The following PCDHGB6 variants were observed in gnomAD, a reference collection of about 807,000 sequenced individuals.
PCDHGB6 encodes protocadherin gamma-B6.
A neutral mutation model predicts 59.1 loss-of-function variants in PCDHGB6; 51 were observed. The ratio of observed to expected loss-of-function variants is 0.86; its 90% CI spans 0.69 to 1.09. The LOEUF (loss-of-function observed/expected upper bound fraction) is 1.09, where lower values mean the gene tolerates loss of function less well. PCDHGB6 is among the 50% of genes least tolerant of loss of function. The pLI is 0.00. For missense variants in PCDHGB6, 1,148 were observed against 1,205.1 expected, an observed-to-expected ratio of 0.95 and a Z score of 0.70; for synonymous variants, 466 against 495.1, an observed-to-expected ratio of 0.94 and a Z score of 0.78.
At chr5:141,498,919 C>T (rs897611505) in intron 2 of PCDHGB6, among the ~76,000 whole-genome samples, 34 of 122,310 alleles carry the variant, frequency 2.8e-4, no homozygotes, top group African/African-American at 3.4e-4. Flanking sequence ...GGTGACAGAG[C>T]GAGACTCCAT....
intron 3 of PCDHGB6, among the ~76,000 whole-genome samples, chr5:141,507,571 G>A (rs2099861692): frequency 6.6e-6 from 1 of 152,254 alleles, no homozygotes; most frequent in Non-Finnish European, 1.5e-5. Flanking sequence ...TGGGTCTGAG[G>A]AGATGCCAAG....
rs377705841 is a variant in PCDHGB6 at position 141,409,462 on chromosome 5, C to T, written c.1260C>T (p.Val420=). The part of the protein sequence containing the change: ...LDREQTPEYN[V]TIVATDRGKP... ...GAGAGCAGACACCAGAATACAATGT[C>T]ACCATCGTAGCCACTGACAGGGGCA... Residue 420 remains valine (V), a synonymous_variant, in exon 1 of 4, where the codon GTC becomes GTT. Coordinates refer to ENST00000520790, the MANE Select transcript of PCDHGB6 (RefSeq NM_018926.3). The T allele has an allele frequency of 1.9e-6, 3 of 1,613,988 alleles. No homozygotes were observed. Among genetic ancestry groups the T allele is most frequent in the Non-Finnish European group, 2.5e-6 (3 of 1,179,886 alleles).
intron 1 of PCDHGB6, chr5:141,412,932 T>A: frequency 2.2e-6 from 1 of 453,328 alleles, no homozygotes; most frequent in Non-Finnish European, 3.9e-6. Flanking sequence ...AGTAACTTCT[T>A]AGGACTCTGA....
At chr5:141,414,844 C>T (rs769714220) in intron 1 of PCDHGB6, 3 of 1,614,216 alleles carry the variant, frequency 1.9e-6, no homozygotes, top group South Asian at 2.2e-5. Flanking sequence ...CCTGTTTGTG[C>T]TGGACCAGAA....
chr5:141,505,255 C>T (rs2099844853), intron 2 of PCDHGB6, 138 bp from the exon 3 acceptor site: 1 of 1,481,112 alleles, frequency 6.8e-7, no homozygotes, highest in Admixed American at 2.1e-5. Context: ...AGAAGTGCCT[C>T]CTACCTTGCT....
chr5:141,426,488 T>G, intron 1 of PCDHGB6: 1 of 328,024 alleles, frequency 3.0e-6, no homozygotes, highest in Non-Finnish European at 6.1e-6. Context: ...AACCTTAGAG[T>G]TAGTGCAGAG....
chr5:141,414,556 T>G, intron 1 of PCDHGB6: 2 of 1,613,990 alleles, frequency 1.2e-6, no homozygotes, highest in Non-Finnish European at 1.7e-6. Flanking sequence ...TCAAGTCTCC[T>G]ACTTTACCTA....
intron 1 of PCDHGB6, among the ~76,000 whole-genome samples, chr5:141,466,776 C>T (rs2099129231): frequency 6.6e-6 from 1 of 152,104 alleles, no homozygotes; most frequent in African/African-American, 2.4e-5. Flanking sequence ...TTATCTTATT[C>T]TTCTTAGTGC....
intron 1 of PCDHGB6, chr5:141,417,692 C>A: frequency 9.2e-7 from 1 of 1,089,116 alleles, no homozygotes; most frequent in Non-Finnish European, 1.3e-6. Context: ...AAAAGAAAAC[C>A]AGCTCCCACA....
At chr5:141,427,882 A>G (rs2097084180) in intron 1 of PCDHGB6, 3 of 1,563,878 alleles carry the variant, frequency 1.9e-6, no homozygotes, top group Non-Finnish European at 2.6e-6. Flanking sequence ...ATGCAGGCCC[A>G]CGACCAGGGC....
Position 141,431,829 on chromosome 5 carries a change from C to T in PCDHGB6, c.2418+21209C>T, listed in dbSNP as rs758915768. On this transcript the variant is annotated intron_variant, in intron 1 of 3. Transcript: ENST00000520790. The surrounding 1 kb of genome is among the most constrained non-coding windows in gnomAD (Gnocchi z 4.8). ...CTCACCTCTCTCGCCAGCTCGGTTC[C>T]CGAAAACTCTCCCAGAGGGACATTA... The T allele has an allele frequency of 1.9e-6, 3 of 1,613,928 alleles. No individual in the cohort carries two copies. The highest frequency in any genetic ancestry group is 2.2e-5 in the South Asian group (2 of 91,090).
At chr5:141,460,088 A>C (rs1225262213) in intron 1 of PCDHGB6, among the ~76,000 whole-genome samples, 2 of 151,990 alleles carry the variant, frequency 1.3e-5, no homozygotes, top group Non-Finnish European at 2.9e-5. Flanking sequence ...AAAAATAATA[A>C]TTATACATGT....
chr5:141,494,074 C>A (rs2099751716), intron 1 of PCDHGB6, among the ~76,000 whole-genome samples: 1 of 152,180 alleles, frequency 6.6e-6, no homozygotes, highest in Non-Finnish European at 1.5e-5. Context: ...GGATCCCTCC[C>A]CGCTGCATCC....
chr5:141,413,417 T>A (rs777399697), intron 1 of PCDHGB6: 1 of 1,614,086 alleles, frequency 6.2e-7, no homozygotes, highest in Non-Finnish European at 8.5e-7. Context: ...CTTTTCTCTC[T>A]GAACCCGCGC....
At chr5:141,438,720 G>A (rs1393152221) in intron 1 of PCDHGB6, among the ~76,000 whole-genome samples, 1 of 147,892 alleles carries the variant, frequency 6.8e-6, no homozygotes, top group Non-Finnish European at 1.5e-5. Flanking sequence ...GAGTGCAAGT[G>A]GTGTGATCTC....
At chr5:141,422,639 C>G (rs777330051) in intron 1 of PCDHGB6, 1 of 1,612,662 alleles carries the variant, frequency 6.2e-7, no homozygotes. Flanking sequence ...AGGGGTGCCT[C>G]CATCTTCTCA....
chr5:141,474,703 C>A (rs2099353282), intron 1 of PCDHGB6, among the ~76,000 whole-genome samples: 1 of 152,188 alleles, frequency 6.6e-6, no homozygotes, highest in African/African-American at 2.4e-5. Flanking sequence ...GTTCAAGGTT[C>A]TATTATACTT....
At chr5:141,424,215 G>T in intron 1 of PCDHGB6, 1 of 167,104 alleles carries the variant, frequency 6.0e-6, no homozygotes. Flanking sequence ...TTTTCTCTGA[G>T]CAATTTTATT....
Position 141,409,893 on chromosome 5 carries a change from A to G in PCDHGB6, c.1691A>G (p.Tyr564Cys). ...DRNDNAPRVLYPALGPDGSAF... is the reference protein window; with the variant it reads ...DRNDNAPRVLCPALGPDGSAF... ...AATGACAACGCACCGCGGGTGCTGT[A>G]CCCAGCTCTGGGTCCTGACGGCTCC... The change falls in exon 1 of 4, where the codon TAC (tyrosine) becomes TGC (cysteine). Residue 564 changes from tyrosine (Y) to cysteine (C), a missense_variant. Tyr to Cys is a radical substitution (Grantham distance 194). This residue lies in a region of PCDHGB6 where 549 missense variants were observed against 527.5 expected (regional missense o/e 1.04). Coordinates refer to ENST00000520790, the MANE Select transcript of PCDHGB6 (RefSeq NM_018926.3). 1.2e-6 allele frequency: 2 copies of G among 1,613,138 alleles called. No homozygotes were observed. The highest frequency in any genetic ancestry group is 3.3e-4 in the Middle Eastern group (2 of 6,062).
Sources: gnomAD v4.1 joint callset for allele counts (sites outside exome capture counted in the v4.1 genomes callset) on GRCh38, gnomAD v4.1.1 for gene constraint, gnomAD v4.1.1 regional missense constraint, Gnocchi (gnomAD v3.1) non-coding constraint, MANE v1.5 for transcripts, NCBI Gene and HGNC (gene_info 2026-07-23, HGNC 2026-07-21) for gene names.